The following PLCXD3 variants were observed in gnomAD, a reference collection of about 807,000 sequenced individuals.
The protein encoded by PLCXD3 is PI-PLC X domain-containing protein 3.
PLCXD3 carries 19 observed loss-of-function variants against 25.5 expected under a neutral mutation model. The observed-to-expected ratio is 0.75, with a 90% confidence interval of 0.52 to 1.09. The LOEUF (loss-of-function observed/expected upper bound fraction) is 1.09. Ranked by LOEUF, PLCXD3 falls within the 50% of genes least tolerant of loss-of-function variation. The probability of loss-of-function intolerance (pLI) is 0.00; values close to 1 mark genes in which losing one functional copy is unlikely to be tolerated. For synonymous variants in PLCXD3, 174 were observed against 137.6 expected (o/e 1.26, Z -1.85); for missense variants, 411 against 388.1 (o/e 1.06, Z -0.50).
rs1261462189 is a variant in PLCXD3 at position 41,310,385 on chromosome 5, T to C, written c.*3232A>G. 1 of 152,144 alleles carries C rather than the reference T, an allele frequency of 6.6e-6. No homozygotes were observed. Among genetic ancestry groups the C allele is most frequent in the Non-Finnish European group, 1.5e-5 (1 of 68,016 alleles). 9.4% of individuals were successfully genotyped at this position (152,144 alleles called of 1,614,324 possible). ...TGGGTAAAAGTTAGATTGTATTTGT[T>C]TGGTTGTTTTGTTTTGTTTTGTTTT... On this transcript the variant is annotated 3_prime_UTR_variant, in exon 3 of 3. Transcript: ENST00000377801.
chr5:41,499,390 A>G (rs1414595056), intron 1 of PLCXD3, among the ~76,000 whole-genome samples: 1 of 151,748 alleles, frequency 6.6e-6, no homozygotes, highest in Non-Finnish European at 1.5e-5. Context: ...AAACAATCCC[A>G]CTTACAATAT....
intron 1 of PLCXD3, among the ~76,000 whole-genome samples, chr5:41,495,787 A>G (rs1387964220): frequency 6.6e-6 from 1 of 152,218 alleles, no homozygotes; most frequent in African/African-American, 2.4e-5. Context: ...TCCAGTTTAT[A>G]AAGATTATGA....
chr5:41,463,272 A>G (rs1312649781), intron 1 of PLCXD3, among the ~76,000 whole-genome samples: 3 of 151,974 alleles, frequency 2.0e-5, no homozygotes, highest in Non-Finnish European at 2.9e-5. Flanking sequence ...GAAGGCAGGA[A>G]GTCTGAGGGT....
At chr5:41,502,132 C>A (rs976487827) in intron 1 of PLCXD3, among the ~76,000 whole-genome samples, 1 of 151,918 alleles carries the variant, frequency 6.6e-6, no homozygotes, top group African/African-American at 2.4e-5. Flanking sequence ...AAGCTTTGAA[C>A]AGATTTGAGT....
At chr5:41,494,389 G>C (rs1168334773) in intron 1 of PLCXD3, among the ~76,000 whole-genome samples, 1 of 152,238 alleles carries the variant, frequency 6.6e-6, no homozygotes, top group Non-Finnish European at 1.5e-5. Flanking sequence ...CATTAGGACT[G>C]TAATAGTGGC....
chr5:41,425,299 T>G (rs1580366921), intron 1 of PLCXD3, among the ~76,000 whole-genome samples: 1 of 149,008 alleles, frequency 6.7e-6, no homozygotes, highest in East Asian at 1.9e-4. Context: ...GTCTCTTGTC[T>G]TTTTTTTTTC....
chr5:41,405,935 A>G (rs1746338358), intron 1 of PLCXD3, among the ~76,000 whole-genome samples: 1 of 152,138 alleles, frequency 6.6e-6, no homozygotes, highest in Admixed American at 6.6e-5. Flanking sequence ...GCCATTGATG[A>G]CTACTAAATA....
chr5:41,388,972 GTATTTATAA>G (rs1745725895), intron 1 of PLCXD3, among the ~76,000 whole-genome samples: 1 of 150,848 alleles, frequency 6.6e-6, no homozygotes, highest in Non-Finnish European at 1.5e-5. Context: ...ATATATAAAT[GTATTTATAA>G]TATTTATACA....
rs318023 is a variant in PLCXD3 at position 41,405,799 on chromosome 5, C to G, written c.104-23265G>C. On this transcript the variant is annotated intron_variant, in intron 1 of 2. Coordinates refer to ENST00000377801, the MANE Select transcript of PLCXD3 (RefSeq NM_001005473.3). Reference sequence around the variant, plus strand: ...TTTTGTTTTGTTTTGTTTTGTTTACCATTTCCATTCAAATTCTCAGATTAG... The same window carrying G: ...TTTTGTTTTGTTTTGTTTTGTTTACGATTTCCATTCAAATTCTCAGATTAG... Among the ~76,000 whole-genome samples, 327 of 151,576 alleles carry G rather than the reference C, an allele frequency of 2.2e-3. 1 individual carries two copies. The highest frequency in any genetic ancestry group is 7.5e-3 in the African/African-American group (310 of 41,204).
chr5:41,466,141 T>G (rs1748013382), intron 1 of PLCXD3, among the ~76,000 whole-genome samples: 2 of 152,134 alleles, frequency 1.3e-5, no homozygotes, highest in African/African-American at 4.8e-5. Flanking sequence ...ATTAAAAATT[T>G]TATTTAATCT....
chr5:41,396,119 G>T (rs989867965), intron 1 of PLCXD3, among the ~76,000 whole-genome samples: 23 of 152,014 alleles, frequency 1.5e-4, no homozygotes, highest in African/African-American at 5.6e-4. Flanking sequence ...CAATAGATTA[G>T]AAAGATCATT....
chr5:41,408,371 C>T (rs1226590495), intron 1 of PLCXD3, among the ~76,000 whole-genome samples: 1 of 152,180 alleles, frequency 6.6e-6, no homozygotes, highest in African/African-American at 2.4e-5. Context: ...CTTCCACTCT[C>T]AGTCTCTTTT....
At chr5:41,499,410 G>A (rs1748905956) in intron 1 of PLCXD3, among the ~76,000 whole-genome samples, 1 of 151,496 alleles carries the variant, frequency 6.6e-6, no homozygotes, top group African/African-American at 2.4e-5. Context: ...TTATCAAAAG[G>A]AACAAAATAC....
At chr5:41,491,384 G>A (rs571342617) in intron 1 of PLCXD3, among the ~76,000 whole-genome samples, 4 of 152,360 alleles carry the variant, frequency 2.6e-5, no homozygotes, top group African/African-American at 7.2e-5. Flanking sequence ...TAGGTGTGGT[G>A]TGGTGCTGAA....
intron 1 of PLCXD3, among the ~76,000 whole-genome samples, chr5:41,462,813 G>C (rs546371516): frequency 1.3e-5 from 2 of 151,670 alleles, no homozygotes; most frequent in South Asian, 4.2e-4. Context: ...AAAAGAAAAA[G>C]AATGGGCCCA....
chr5:41,500,347 G>A (rs1236194316), intron 1 of PLCXD3, among the ~76,000 whole-genome samples: 1 of 151,826 alleles, frequency 6.6e-6, no homozygotes, highest in South Asian at 2.1e-4. Context: ...TATTGCATGT[G>A]CTCACTCATA....
At chr5:41,458,166 G>A (rs1747798733) in intron 1 of PLCXD3, among the ~76,000 whole-genome samples, 1 of 151,850 alleles carries the variant, frequency 6.6e-6, no homozygotes, top group Non-Finnish European at 1.5e-5. Flanking sequence ...ATAAAAATGA[G>A]CTAGATGGAA....
At chr5:41,397,511 T>C (rs766666817) in intron 1 of PLCXD3, among the ~76,000 whole-genome samples, 4 of 152,144 alleles carry the variant, frequency 2.6e-5, no homozygotes, top group Non-Finnish European at 5.9e-5. Context: ...GGTAGAGCTC[T>C]CCTAGTACAG....
At chr5:41,400,659 T>C (rs1271472778) in intron 1 of PLCXD3, among the ~76,000 whole-genome samples, 2 of 151,940 alleles carry the variant, frequency 1.3e-5, no homozygotes, top group Non-Finnish European at 2.9e-5. Flanking sequence ...CTCACAGAGA[T>C]AGAGAGTAGA....
Sources: gnomAD v4.1 joint callset for allele counts (sites outside exome capture counted in the v4.1 genomes callset) on GRCh38, gnomAD v4.1.1 for gene constraint, MANE v1.5 for transcripts, NCBI Gene and HGNC (gene_info 2026-07-23, HGNC 2026-07-21) for gene names.